Variants in SLMAP observed in about 807,000 individuals in gnomAD.
The protein encoded by SLMAP is sarcolemmal membrane-associated protein.
SLMAP carries 44 observed loss-of-function variants against 128.8 expected under a neutral mutation model. The ratio of observed to expected loss-of-function variants is 0.34; its 90% confidence interval spans 0.27 to 0.44. SLMAP has a LOEUF of 0.44. Among genes scored for constraint, SLMAP ranks in the 20% least tolerant of loss-of-function variants. SLMAP has a pLI of 1.00. For synonymous variants in SLMAP, 327 were observed against 348.8 expected (o/e 0.94, Z 0.70); for missense variants, 787 against 985.3 (o/e 0.80, Z 2.69).
intron 2 of SLMAP, among the ~76,000 whole-genome samples, chr3:57,793,936 G>T (rs1038829416): frequency 6.6e-6 from 1 of 151,366 alleles, no homozygotes; most frequent in African/African-American, 2.4e-5. Flanking sequence ...GTGTGATGGT[G>T]TATTCCTGTA....
At chr3:57,907,386 G>T (rs959579285) in intron 17 of SLMAP, among the ~76,000 whole-genome samples, 1 of 152,186 alleles carries the variant, frequency 6.6e-6, no homozygotes, top group Non-Finnish European at 1.5e-5. Context: ...GCTCAGTAGA[G>T]CTTTCAGCCT....
intron 2 of SLMAP, among the ~76,000 whole-genome samples, chr3:57,816,203 A>G (rs1269154024): frequency 6.6e-6 from 1 of 152,038 alleles, no homozygotes; most frequent in Admixed American, 6.6e-5. Flanking sequence ...GAGTACAGTG[A>G]TGTGATCTAG....
intron 2 of SLMAP, among the ~76,000 whole-genome samples, chr3:57,821,597 A>G (rs1324841199): frequency 1.3e-5 from 2 of 152,214 alleles, no homozygotes; most frequent in Non-Finnish European, 2.9e-5. Context: ...CTAAGTTTGT[A>G]TACTCTAAGA....
Position 57,896,560 on chromosome 3 carries a change from A to G in SLMAP, c.1410A>G (p.Pro470=). ...KESDFSDTLS[P]SKEKSSDDTT... The stretch of plus-strand genomic sequence containing the variant: ...CTGATTTTTCAGATACTCTGAGTCC[A>G]AGCAAGGAAAAAAGCAGTGACGACA... The change falls in exon 16 of 25, where the codon CCA becomes CCG. Residue 470 remains proline (P), a synonymous_variant. Coordinates refer to ENST00000671191, the MANE Select transcript of SLMAP (RefSeq NM_001377540.1). 6.2e-7 allele frequency: 1 copy of G among 1,611,080 alleles called. No individual in the cohort carries two copies. Among genetic ancestry groups the G allele is most frequent in the Non-Finnish European group, 8.5e-7 (1 of 1,178,934 alleles).
chr3:57,913,463 A>G (rs1263698787), intron 21 of SLMAP, among the ~76,000 whole-genome samples, 188 bp downstream of exon 21: 1 of 152,014 alleles, frequency 6.6e-6, no homozygotes, highest in Admixed American at 6.6e-5. Flanking sequence ...TGCCACCACC[A>G]TTATCCTACA....
Position 57,927,371 on chromosome 3 carries a change from G to A in SLMAP, c.*82G>A. On this transcript the variant is annotated 3_prime_UTR_variant, in exon 25 of 25. Transcript: ENST00000671191. The stretch of plus-strand genomic sequence containing the variant: ...CATCGTGCTGTACGTGCCAGGTCTG[G>A]CCAGAGCTTCTCCATGAGAGCGTTC... 6.3e-7 allele frequency: 1 copy of A among 1,586,146 alleles called. No homozygotes were observed. The highest frequency in any genetic ancestry group is 8.6e-7 in the Non-Finnish European group (1 of 1,159,092).
chr3:57,863,288 A>C (rs1457771559), intron 10 of SLMAP, among the ~76,000 whole-genome samples: 1 of 152,168 alleles, frequency 6.6e-6, no homozygotes, highest in Non-Finnish European at 1.5e-5. Flanking sequence ...ACTGAGGAAA[A>C]AAAAAATCTT....
chr3:57,843,464 C>A (rs2094063419), intron 4 of SLMAP, among the ~76,000 whole-genome samples: 1 of 151,724 alleles, frequency 6.6e-6, no homozygotes, highest in Admixed American at 6.6e-5. Flanking sequence ...CACCACCACG[C>A]CCAGCTAATT....
intron 17 of SLMAP, chr3:57,899,062 A>G (rs2096306778): frequency 1.3e-5 from 2 of 152,256 alleles, no homozygotes; most frequent in Admixed American, 1.3e-4. Context: ...GAGTAACTCC[A>G]TATTAATTGA....
intron 2 of SLMAP, among the ~76,000 whole-genome samples, chr3:57,774,154 A>G (rs1159938536): frequency 6.6e-6 from 1 of 152,178 alleles, no homozygotes; most frequent in Non-Finnish European, 1.5e-5. Context: ...TTAAACTGAT[A>G]CTCTAAACTG....
chr3:57,912,771 G>A lies in SLMAP; in HGVS notation c.2020+70G>A, dbSNP rs17058653. 6,109 of 1,188,760 alleles carry A rather than the reference G, an allele frequency of 5.1e-3. 206 individuals carry two copies. The African/African-American group carries it at 0.08, about 16-fold the overall frequency. 73.6% of individuals were successfully genotyped at this position (1,188,760 alleles called of 1,614,324 possible). A position where few individuals can be genotyped will look rare whatever the true frequency, so the allele number is the denominator to read the frequency against. ...ATAACTTCTTAACTTGTTTAAAAAA[G>A]AAACATGCAGGCTTTTTTTTTCTTT... On this transcript the variant is annotated intron_variant, in intron 20 of 24. Transcript: ENST00000671191.
intron 14 of SLMAP, among the ~76,000 whole-genome samples, chr3:57,881,837 AT>A (rs2095752213): frequency 6.6e-6 from 1 of 152,166 alleles, no homozygotes; most frequent in Admixed American, 6.5e-5. Flanking sequence ...AATGGTGATA[AT>A]AGCAGCTAAT....
chr3:57,868,084 G>A (rs961930308), intron 13 of SLMAP, among the ~76,000 whole-genome samples: 2 of 151,912 alleles, frequency 1.3e-5, no homozygotes, highest in African/African-American at 4.8e-5. Context: ...AACATAGTGA[G>A]AACCCATCTC....
intron 21 of SLMAP, among the ~76,000 whole-genome samples, chr3:57,915,711 G>A (rs999157680): frequency 6.6e-6 from 1 of 152,198 alleles, no homozygotes; most frequent in Non-Finnish European, 1.5e-5. Context: ...ATTTATGGGA[G>A]CCAAATTCCC....
intron 2 of SLMAP, among the ~76,000 whole-genome samples, chr3:57,825,868 A>G (rs912578944): frequency 1.1e-4 from 16 of 151,996 alleles, no homozygotes; most frequent in Non-Finnish European, 8.8e-5. Context: ...GCTTTCCTAT[A>G]TTTTAATTGC....
rs1317710719 is a variant in SLMAP at position 57,929,129 on chromosome 3, G to C, written c.*1840G>C. The stretch of plus-strand genomic sequence containing the variant: ...GATTAAACTATTTGCACTAACACAC[G>C]TGACGTGCATGATTTAATAAAATAA... On this transcript the variant is annotated 3_prime_UTR_variant, in exon 25 of 25. Transcript: ENST00000671191. The C allele has an allele frequency of 6.6e-6, 1 of 152,534 alleles. No homozygotes were observed. Among genetic ancestry groups the C allele is most frequent in the African/African-American group, 2.4e-5 (1 of 41,422 alleles). 9.4% of individuals were successfully genotyped at this position (152,534 alleles called of 1,614,324 possible).
chr3:57,856,382 T>C (rs961715371), intron 6 of SLMAP, among the ~76,000 whole-genome samples: 10 of 152,212 alleles, frequency 6.6e-5, no homozygotes, highest in Non-Finnish European at 1.3e-4. Context: ...TTCAAAAATA[T>C]TGTTTCTATT....
At chr3:57,904,441 A>G (rs1051317233) in intron 17 of SLMAP, among the ~76,000 whole-genome samples, 8 of 152,156 alleles carry the variant, frequency 5.3e-5, no homozygotes, top group Non-Finnish European at 1.2e-4. Context: ...AGAAAACAAA[A>G]CAAAGAATCA....
At chr3:57,813,943 G>T (rs527414737) in intron 2 of SLMAP, among the ~76,000 whole-genome samples, 1 of 150,490 alleles carries the variant, frequency 6.6e-6, no homozygotes, top group Non-Finnish European at 1.5e-5. Flanking sequence ...GTGCCTGTTT[G>T]TACCTTCCCA....
Sources: allele counts gnomAD v4.1 joint callset (sites outside exome capture counted in the v4.1 genomes callset), GRCh38; gene constraint gnomAD v4.1.1; transcripts MANE v1.5; gene names NCBI Gene and HGNC (gene_info 2026-07-23, HGNC 2026-07-21).